Variants in ZNG1B observed in about 807,000 individuals in gnomAD.
ZNG1B encodes the protein Zn regulated GTPase metalloprotein activator 1B, also known as zinc-regulated GTPase metalloprotein activator 1B.
chr2:113,475,825 T>C, the ZNG1B span, among the ~76,000 whole-genome samples: 1 of 152,202 alleles, frequency 6.6e-6, no homozygotes, highest in African/African-American at 2.4e-5. Context: ...GCCCCCACTC[T>C]CTTCTGGCTT....
At chr2:113,438,820 A>G in the ZNG1B span, among the ~76,000 whole-genome samples, 1 of 152,254 alleles carries the variant, frequency 6.6e-6, no homozygotes, top group Non-Finnish European at 1.5e-5. Context: ...ATGTAAATAA[A>G]ATGATACTGT....
chr2:113,477,712 G>A, the ZNG1B span, among the ~76,000 whole-genome samples: 6 of 152,240 alleles, frequency 3.9e-5, no homozygotes, highest in South Asian at 6.2e-4. Context: ...AATTTTTTAA[G>A]TGTACAATAC....
the ZNG1B span, chr2:113,495,380 C>T: frequency 2.9e-6 from 3 of 1,017,564 alleles, 1 homozygote; most frequent in East Asian, 7.2e-5. Context: ...GTCAATGTTT[C>T]ATCTTTATCA....
chr2:113,462,405 T>G, the ZNG1B span: 1 of 1,598,324 alleles, frequency 6.3e-7, no homozygotes, highest in Non-Finnish European at 8.5e-7. Context: ...TTTGCTATTT[T>G]AGGCAAGTTG....
At chr2:113,457,994 A>AC in the ZNG1B span, among the ~76,000 whole-genome samples, 2 of 146,714 alleles carry the variant, frequency 1.4e-5, no homozygotes, top group Non-Finnish European at 3.0e-5. Context: ...ATTAATTAGT[A>AC]TCAAAATTAT....
the ZNG1B span, among the ~76,000 whole-genome samples, chr2:113,482,894 A>AGCAGTGTAAG: frequency 8.8e-6 from 1 of 113,536 alleles, no homozygotes; most frequent in South Asian, 3.5e-4. Flanking sequence ...CTCTCAAGTG[A>AGCAGTGTAAG]TCACTCAGTT....
At chr2:113,444,248 A>G in the ZNG1B span, 10 of 311,896 alleles carry the variant, frequency 3.2e-5, no homozygotes, top group Admixed American at 5.0e-4. Context: ...ATTATGTTCT[A>G]CTAGTTAAGT....
chr2:113,456,451 TTTG>T, the ZNG1B span, among the ~76,000 whole-genome samples: 5 of 129,246 alleles, frequency 3.9e-5, no homozygotes, highest in South Asian at 9.3e-4. Context: ...GCTAAGACAT[TTTG>T]TTTTTTTTTT....
chr2:113,445,266 A>G, the ZNG1B span: 2 of 544,094 alleles, frequency 3.7e-6, no homozygotes, highest in East Asian at 6.6e-5. Flanking sequence ...TTAAGCTGTT[A>G]ATAGAATTTG....
chr2:113,460,293 TAATG>T, the ZNG1B span, among the ~76,000 whole-genome samples: 1 of 151,944 alleles, frequency 6.6e-6, no homozygotes, highest in Non-Finnish European at 1.5e-5. Flanking sequence ...AAATAAGTAA[TAATG>T]AATATTTAGA....
the ZNG1B span, among the ~76,000 whole-genome samples, chr2:113,488,800 C>T: frequency 6.6e-5 from 10 of 151,846 alleles, no homozygotes; most frequent in African/African-American, 1.7e-4. Flanking sequence ...TCTAATTAAC[C>T]GAATCCAATA....
chr2:113,443,167 A>G, the ZNG1B span, among the ~76,000 whole-genome samples: 157 of 152,046 alleles, frequency 1.0e-3, 1 homozygote, highest in African/African-American at 3.4e-3. Flanking sequence ...ATGAGGTTTC[A>G]TTGTGTTAGC....
the ZNG1B span, among the ~76,000 whole-genome samples, chr2:113,477,047 C>T: frequency 6.6e-6 from 1 of 152,198 alleles, no homozygotes; most frequent in Non-Finnish European, 1.5e-5. Context: ...GGGCTCCACC[C>T]AGTTGGAGCT....
the ZNG1B span, among the ~76,000 whole-genome samples, chr2:113,456,454 G>GT: frequency 0.1 from 14,698 of 144,998 alleles, 697 homozygotes; most frequent in Non-Finnish European, 0.13. Context: ...AAGACATTTT[G>GT]TTTTTTTTTT....
At chr2:113,450,905 A>G in the ZNG1B span, among the ~76,000 whole-genome samples, 3 of 145,324 alleles carry the variant, frequency 2.1e-5, no homozygotes, top group Non-Finnish European at 3.0e-5. Context: ...CAGAGAGCCA[A>G]ATGGGGCAAT....
At chr2:113,476,772 C>G in the ZNG1B span, among the ~76,000 whole-genome samples, 1 of 152,064 alleles carries the variant, frequency 6.6e-6, no homozygotes, top group Non-Finnish European at 1.5e-5. Flanking sequence ...TTGGAGTACC[C>G]GGCCGTGTGA....
chr2:113,449,265 C>A, the ZNG1B span, among the ~76,000 whole-genome samples: 415 of 152,104 alleles, frequency 2.7e-3, 3 homozygotes, highest in African/African-American at 9.5e-3. Flanking sequence ...TGTGTGTTTA[C>A]TGGAGTAGCA....
At chr2:113,493,083 G>C in the ZNG1B span, among the ~76,000 whole-genome samples, 2 of 132,046 alleles carry the variant, frequency 1.5e-5, no homozygotes, top group Non-Finnish European at 3.2e-5. Flanking sequence ...ATAAATCCTA[G>C]AGTTAATATT....
chr2:113,475,557 G>A, the ZNG1B span, among the ~76,000 whole-genome samples: 12 of 151,632 alleles, frequency 7.9e-5, no homozygotes, highest in African/African-American at 1.7e-4. Context: ...TATTTTGCTC[G>A]TTAGTTGATG....
Sources: allele counts gnomAD v4.1 joint callset (sites outside exome capture counted in the v4.1 genomes callset), GRCh38; gene constraint gnomAD v4.1.1; transcripts MANE v1.5; gene names NCBI Gene and HGNC (gene_info 2026-07-23, HGNC 2026-07-21).